The following FTCD variants were observed in gnomAD, a reference collection of about 807,000 sequenced individuals.
FTCD encodes formimidoyltransferase-cyclodeaminase.
A neutral mutation model predicts 62.9 loss-of-function variants in FTCD; 76 were observed. The ratio of observed to expected loss-of-function variants is 1.21; its 90% confidence interval spans 1.00 to 1.46. The LOEUF is 1.46. Ranked by LOEUF, FTCD falls within the 40% of genes most tolerant of loss-of-function variation. The pLI is 0.00. For missense variants in FTCD, 845 were observed against 751.3 expected (o/e 1.12, Z -1.46); for synonymous variants, 397 against 336.9 (o/e 1.18, Z -1.95).
rs2079290266 is a variant in FTCD, at chr21:46,151,903, G to A, written c.445C>T (p.Leu149Phe). ...PAIRAGEYEA[L>F]PKKLQQADWA... ...CGGGGTGGGGGCACCTTCTTAGGGA[G>A]GGCCTCGTACTCCCCGGCCCGGATG... Residue 149 changes from leucine to phenylalanine, a missense_variant, in exon 4 of 14, where the codon CTC (leucine) becomes TTC (phenylalanine). Transcript: ENST00000397746. The A allele has an allele frequency of 1.3e-6, 2 of 1,563,536 alleles. No homozygotes were observed.
intron 4 of FTCD, 63 bp from the exon 5 acceptor site, chr21:46,151,800 C>T: frequency 6.3e-7 from 1 of 1,597,536 alleles, no homozygotes; most frequent in Admixed American, 1.7e-5. Context: ...CCCCGGGGTC[C>T]CGGGAAGGAG....
rs1008945487 is a variant in FTCD, at chr21:46,140,716, G to A, written c.1261-1793C>T. Among the ~76,000 whole-genome samples, 7 of 148,802 alleles carry A rather than the reference G, an allele frequency of 4.7e-5. No homozygotes were observed. The East Asian group carries it at 6.0e-4, about 13-fold the overall frequency. On this transcript the variant is annotated intron_variant, in intron 10 of 13. Coordinates refer to ENST00000397746, the MANE Select transcript of FTCD (RefSeq NM_206965.2). ...AGTGTAAACCAATCCAGCACTCCCC[G>A]TCTGCCTTCACATTGCTCACAGGGA...
intron 10 of FTCD, among the ~76,000 whole-genome samples, chr21:46,141,606 A>G (rs1220559152): frequency 6.6e-6 from 1 of 152,084 alleles, no homozygotes; most frequent in Non-Finnish European, 1.5e-5. Flanking sequence ...GGATTGACAC[A>G]TTCCACGACA....
rs538836517 is a variant in FTCD, at chr21:46,150,907, C to T, written c.637-382G>A. Among the ~76,000 whole-genome samples the T allele has an allele frequency of 5.9e-5, 9 of 152,346 alleles. No individual in the cohort carries two copies. In the South Asian group the frequency reaches 8.3e-4, roughly 14 times the overall value. On this transcript the variant is annotated intron_variant, in intron 5 of 13. Transcript: ENST00000397746. ...CAAGTCCCCTCAGCCCCGCACTTGT[C>T]GGGGTGACTGAGTCCACGTGGGGGG...
chr21:46,136,638 G>T, downstream of FTCD: 1 of 1,485,754 alleles, frequency 6.7e-7, no homozygotes. Context: ...CCCTGGCGCT[G>T]AGGTCTGTCT....
chr21:46,136,930 G>A lies in FTCD; in HGVS notation c.*57C>T, dbSNP rs557788785. 22 of 1,611,264 alleles carry A rather than the reference G, an allele frequency of 1.4e-5. No homozygotes were observed. In the East Asian group the frequency reaches 2.9e-4, roughly 21 times the overall value. ...GTGTCCCCACCGAGGTCACAGCTCT[G>A]CCCTCTGGGGATGGGCGAGGGAGGG... On this transcript the variant is annotated 3_prime_UTR_variant, in exon 14 of 14. Transcript: ENST00000397746.
At chr21:46,155,250 C>G (rs1004063399) in intron 1 of FTCD, among the ~76,000 whole-genome samples, 15 of 152,310 alleles carry the variant, frequency 9.8e-5, no homozygotes, top group African/African-American at 3.6e-4. Context: ...AGCCAAGCCT[C>G]AGCCCCCACA....
chr21:46,143,445 A>G (rs1407299714), intron 10 of FTCD, among the ~76,000 whole-genome samples: 1 of 151,244 alleles, frequency 6.6e-6, no homozygotes, highest in African/African-American at 2.4e-5. Context: ...CTGTTTTAGT[A>G]CAATAAAATA....
In FTCD at chr21:46,152,897, G is replaced by GGGGGGGC; in HGVS notation, c.367+9_367+10insGCCCCCC. On this transcript the variant is annotated intron_variant, in intron 3 of 13. Transcript: ENST00000397746. ...GGAGCAGAGTGAGGGGGGCGGGGGG[G>GGGGGGGC]CACGCTCACCTGGCACGTCCAGCTC... 5.8e-6 allele frequency: 7 copies of GGGGGGGC among 1,209,836 alleles called. No individual in the cohort carries two copies. The highest frequency in any genetic ancestry group is 8.1e-6 in the Non-Finnish European group (7 of 865,616). The allele number at this position is 1,209,836 out of a possible 1,614,324, so 74.9% of individuals were successfully genotyped here.
In FTCD at chr21:46,151,707, C is replaced by T. The variant is rs769045627; in HGVS notation, c.487G>A (p.Gly163Ser). Residue 163 changes from glycine (G) to serine (S), a missense_variant, in exon 5 of 14, where the codon GGT becomes AGT. Physicochemically the swap from Gly to Ser is moderately conservative, Grantham distance 56 (BLOSUM62 0). Transcript: ENST00000397746. ...LQQADWAPDF[G>S]PSSFVPSWGA... ...CAACTGGGGACAAAGGAGCTGGGAC[C>T]AAAGTCGGGCGCCCAGTCGGCCTGC... 1 of 1,612,948 alleles carries T rather than the reference C, an allele frequency of 6.2e-7. No individual in the cohort carries two copies. Among genetic ancestry groups the T allele is most frequent in the Non-Finnish European group, 8.5e-7 (1 of 1,179,968 alleles).
rs556952105 is a variant in FTCD, at chr21:46,138,522, G to A, written c.1429C>T (p.Arg477Trp). The A allele has an allele frequency of 6.1e-5, 97 of 1,585,692 alleles. No individual in the cohort carries two copies. Among genetic ancestry groups the A allele is most frequent in the South Asian group, 2.6e-4 (23 of 88,288 alleles). Reference protein sequence around the residue: ...ELARCGNLACRSDLQVAAKAL... With the variant: ...ELARCGNLACWSDLQVAAKAL... ...GGCCCCCCTACCTGGAGGTCTGACC[G>A]GCAGGCCAGGTTCCCACACCGGGCC... The change falls in exon 12 of 14, where the codon CGG (arginine) becomes TGG (tryptophan). Residue 477 changes from arginine to tryptophan, a missense_variant. Arg to Trp is a moderately radical substitution (Grantham distance 101). Coordinates refer to ENST00000397746, the MANE Select transcript of FTCD (RefSeq NM_206965.2).
chr21:46,155,362 G>T, intron 1 of FTCD, 108 bp downstream of exon 1: 1 of 947,570 alleles, frequency 1.1e-6, no homozygotes, highest in Non-Finnish European at 1.7e-6. Flanking sequence ...GCCCATCCTG[G>T]GAAGACGACC....
chr21:46,141,417 G>C, intron 10 of FTCD, among the ~76,000 whole-genome samples: 1 of 152,094 alleles, frequency 6.6e-6, no homozygotes, highest in East Asian at 1.9e-4. Flanking sequence ...AAAATGCTAG[G>C]ATTACAGGTG....
chr21:46,141,169 G>A (rs367802366), intron 10 of FTCD, among the ~76,000 whole-genome samples: 18 of 152,212 alleles, frequency 1.2e-4, no homozygotes, highest in East Asian at 9.6e-4. Context: ...ACAGGGTGTC[G>A]TTCTGTTGCC....
At chr21:46,155,203 C>G (rs1475532618) in intron 1 of FTCD, among the ~76,000 whole-genome samples, 1 of 152,190 alleles carries the variant, frequency 6.6e-6, no homozygotes, top group Non-Finnish European at 1.5e-5. Context: ...TCTGCCCAAC[C>G]CCCCACCGAA....
rs1008854525 is a variant in FTCD at position 46,146,337 on chromosome 21, G to C, written c.907-10C>G. The C allele has an allele frequency of 6.3e-7, 1 of 1,591,676 alleles. No individual in the cohort carries two copies. Among genetic ancestry groups the C allele is most frequent in the Non-Finnish European group, 8.6e-7 (1 of 1,167,104 alleles). On this transcript the variant is annotated splice_polypyrimidine_tract_variant and intron_variant, in intron 7 of 13. Coordinates refer to ENST00000397746, the MANE Select transcript of FTCD (RefSeq NM_206965.2). ...CCAGCCGGCTCACCACCTGGAAAAG[G>C]GGCTTGGAGTGGAAACGGCCTCGGC... is the stretch of plus-strand genomic sequence containing the variant.
In FTCD at chr21:46,145,820, TGGCCGCAGC is replaced by T; in HGVS notation, c.1087_1095del (p.Ala363_Ala365del). 1 of 441,352 alleles carries T rather than the reference TGGCCGCAGC, an allele frequency of 2.3e-6. No individual in the cohort carries two copies. Among genetic ancestry groups the T allele is most frequent in the Non-Finnish European group, 2.6e-6 (1 of 379,852 alleles). The allele number at this position is 441,352 out of a possible 1,614,324, so 27.3% of individuals were successfully genotyped here. On this transcript the variant is annotated inframe_deletion, in exon 9 of 14. Coordinates refer to ENST00000397746, the MANE Select transcript of FTCD (RefSeq NM_206965.2). ...CCTGCCCCTCCCCCCGCGCTCACCA[TGGCCGCAGC>T]GGCCGCCGCCACCGAGCCGCCCCCG...
rs2123531761 is a variant in FTCD at position 46,145,905 on chromosome 21, G to A, written c.1011C>T (p.Ser337=). Residue 337 remains serine, a synonymous_variant, in exon 9 of 14, where the codon AGC becomes AGT. Coordinates refer to ENST00000397746, the MANE Select transcript of FTCD (RefSeq NM_206965.2). ...CCCCCACGAAGGCGCGCAGGGACTT[G>A]CTGCCCAGGCCTCGCTCAGGCCCGC... ...PERGPERGLG[S]KSLRAFVGEV... 6.7e-7 allele frequency: 1 copy of A among 1,497,574 alleles called. No homozygotes were observed. Among genetic ancestry groups the A allele is most frequent in the African/African-American group, 1.5e-5 (1 of 67,590 alleles). The allele number at this position is 1,497,574 out of a possible 1,614,324, so 92.8% of individuals were successfully genotyped here. A position where few individuals can be genotyped will look rare whatever the true frequency, so the allele number is the denominator to read the frequency against.
chr21:46,145,508 G>A lies in FTCD; in HGVS notation c.1169C>T (p.Thr390Met). ...GRRQFQSLDT[T>M]MRRLIPPFRE... ...GAAGGGCGGGATCAGGCGCCGCATC[G>A]TCGTGTCCAGGGACTGGAATTGGCG... is the stretch of plus-strand genomic sequence containing the variant. Residue 390 changes from threonine to methionine, a missense_variant, in exon 10 of 14, where the codon ACG becomes ATG. Transcript: ENST00000397746. The A allele has an allele frequency of 3.9e-6, 6 of 1,551,260 alleles. No individual in the cohort carries two copies. Among genetic ancestry groups the A allele is most frequent in the Non-Finnish European group, 4.4e-6 (5 of 1,147,786 alleles).
Sources: gnomAD v4.1 joint callset for allele counts (sites outside exome capture counted in the v4.1 genomes callset) on GRCh38, gnomAD v4.1.1 for gene constraint, MANE v1.5 for transcripts, NCBI Gene and HGNC (gene_info 2026-07-23, HGNC 2026-07-21) for gene names.